Variants in TAFA2 observed in about 807,000 individuals in gnomAD.
TAFA2 encodes TAFA chemokine like family member 2.
In TAFA2, 7 loss-of-function variants were observed where a neutral mutation model predicts 18.8. The observed-to-expected ratio is 0.37, with a 90% CI of 0.21 to 0.70. TAFA2 has a LOEUF of 0.70. Among genes scored for constraint, TAFA2 ranks in the 30% least tolerant of loss-of-function variants. TAFA2 has a pLI of 0.53. For missense variants in TAFA2, 122 were observed against 158.1 expected (o/e 0.77, Z 1.23); for synonymous variants, 60 against 54.2 (o/e 1.11, Z -0.47).
At chr12:61,711,696 A>ACGGAGAC (rs1869415861) in intron 4 of TAFA2, among the ~76,000 whole-genome samples, 2 of 152,014 alleles carry the variant, frequency 1.3e-5, no homozygotes, top group Admixed American at 1.3e-4. Context: ...GTTTTCATGC[A>ACGGAGAC]TGGAGACAGT....
chr12:62,083,237 A>G (rs1868350602), intron 1 of TAFA2, among the ~76,000 whole-genome samples: 1 of 151,496 alleles, frequency 6.6e-6, no homozygotes, highest in Non-Finnish European at 1.5e-5. Context: ...CCTGATTTGC[A>G]TATGAGCTTA....
chr12:61,903,185 G>A (rs1876185345), intron 1 of TAFA2, among the ~76,000 whole-genome samples: 2 of 152,070 alleles, frequency 1.3e-5, no homozygotes, highest in African/African-American at 4.8e-5. Flanking sequence ...AATGTACTAT[G>A]ACTTACAATA....
chr12:61,806,868 G>T (rs577268731), intron 2 of TAFA2, among the ~76,000 whole-genome samples: 2 of 152,322 alleles, frequency 1.3e-5, no homozygotes, highest in South Asian at 4.1e-4. Context: ...ACTGGTGGAA[G>T]AAAATGCTAA....
chr12:62,184,502 C>CTTTTTT (rs10526118), intron 1 of TAFA2, among the ~76,000 whole-genome samples: 1 of 106,168 alleles, frequency 9.4e-6, no homozygotes, highest in African/African-American at 3.7e-5. Context: ...AAAAAAAATT[C>CTTTTTT]TTTTTTTTTT....
chr12:62,115,917 C>T (rs1324081908), intron 1 of TAFA2, among the ~76,000 whole-genome samples: 2 of 152,182 alleles, frequency 1.3e-5, no homozygotes, highest in African/African-American at 2.4e-5. Flanking sequence ...TTGTTCTCTG[C>T]ATCCTTCTGT....
At chr12:61,746,947 A>G (rs937090096) in intron 4 of TAFA2, among the ~76,000 whole-genome samples, 1 of 152,196 alleles carries the variant, frequency 6.6e-6, no homozygotes, top group African/African-American at 2.4e-5. Flanking sequence ...AAAATGGGAG[A>G]AAATTTTCAC....
chr12:62,151,082 A>G (rs1028864592), intron 1 of TAFA2, among the ~76,000 whole-genome samples: 5 of 152,166 alleles, frequency 3.3e-5, no homozygotes, highest in African/African-American at 4.8e-5. Context: ...GGGATCTTAC[A>G]TATCAACCAC....
intron 2 of TAFA2, among the ~76,000 whole-genome samples, chr12:61,762,761 A>G (rs1869614431): frequency 6.6e-6 from 1 of 151,752 alleles, no homozygotes; most frequent in African/African-American, 2.4e-5. Flanking sequence ...ATTTGTTCCT[A>G]CTTGGTTTCC....
intron 1 of TAFA2, among the ~76,000 whole-genome samples, chr12:62,039,864 G>C (rs776402866): frequency 1.3e-5 from 2 of 152,150 alleles, no homozygotes; most frequent in Non-Finnish European, 2.9e-5. Context: ...CAGAGATTCT[G>C]ATTCAGTAGC....
chr12:62,217,217 C>T (rs1273893388), intron 1 of TAFA2, among the ~76,000 whole-genome samples: 4 of 152,032 alleles, frequency 2.6e-5, no homozygotes, highest in Non-Finnish European at 5.9e-5. Flanking sequence ...GCAGCAGGTA[C>T]AGGGAGTACT....
At chr12:61,720,653 G>A (rs1219441426) in intron 4 of TAFA2, 1 of 271,222 alleles carries the variant, frequency 3.7e-6, no homozygotes, top group Non-Finnish European at 7.4e-6. Flanking sequence ...GAAAGAATAG[G>A]TCACAGTTAA....
chr12:62,059,754 T>C (rs972090309), intron 1 of TAFA2, among the ~76,000 whole-genome samples: 1 of 152,220 alleles, frequency 6.6e-6, no homozygotes, highest in African/African-American at 2.4e-5. Context: ...CTTTCAGCTA[T>C]GTCTATTGTT....
chr12:62,104,276 CAA>C (rs66467365), intron 1 of TAFA2, among the ~76,000 whole-genome samples: 254 of 145,650 alleles, frequency 1.7e-3, no homozygotes, highest in Non-Finnish European at 1.5e-3. Flanking sequence ...TCTTCTGAAG[CAA>C]AAAAAAAAAA....
chr12:61,741,449 G>A (rs1331474038), intron 4 of TAFA2, among the ~76,000 whole-genome samples: 1 of 151,904 alleles, frequency 6.6e-6, no homozygotes, highest in African/African-American at 2.4e-5. Flanking sequence ...CAGATATAAA[G>A]GCAAGAAAAA....
At chr12:61,871,642 A>T (rs932025747) in intron 1 of TAFA2, among the ~76,000 whole-genome samples, 2 of 152,216 alleles carry the variant, frequency 1.3e-5, no homozygotes, top group African/African-American at 4.8e-5. Flanking sequence ...CTGGCAGTGA[A>T]GGATGTTGAA....
intron 2 of TAFA2, among the ~76,000 whole-genome samples, chr12:61,772,919 T>C (rs1048617122): frequency 6.6e-6 from 1 of 151,946 alleles, no homozygotes; most frequent in Non-Finnish European, 1.5e-5. Context: ...GAAGTCAAAC[T>C]GTCTCTGTGT....
At chr12:61,979,983 C>T (rs1879573312) in intron 1 of TAFA2, among the ~76,000 whole-genome samples, 1 of 152,090 alleles carries the variant, frequency 6.6e-6, no homozygotes, top group Admixed American at 6.6e-5. Flanking sequence ...AAAACTATAC[C>T]TTAAAATATA....
At chr12:61,762,009 G>A (rs967845538) in intron 2 of TAFA2, among the ~76,000 whole-genome samples, 4 of 151,898 alleles carry the variant, frequency 2.6e-5, no homozygotes, top group African/African-American at 9.7e-5. Context: ...CCTGCTCTGG[G>A]CATGTGAGAT....
rs1021137502 is a variant in TAFA2, at chr12:61,725,830, A to C, written c.385-15413T>G. Among the ~76,000 whole-genome samples, 13 of 152,216 alleles carry C rather than the reference A, an allele frequency of 8.5e-5. No individual in the cohort carries two copies. In the East Asian group the frequency reaches 2.5e-3, roughly 29 times the overall value. ...AAGTAACTCAGGAATGGAAAACCAC[A>C]CATCGTATGTTCTCACTTATCAGTG... On this transcript the variant is annotated intron_variant, in intron 4 of 4. Transcript: ENST00000416284.
Sources: allele counts gnomAD v4.1 joint callset (sites outside exome capture counted in the v4.1 genomes callset), GRCh38; gene constraint gnomAD v4.1.1; transcripts MANE v1.5; gene names NCBI Gene and HGNC (gene_info 2026-07-23, HGNC 2026-07-21).